The following XKR3 variants were observed in gnomAD, a reference collection of about 807,000 sequenced individuals.
The protein encoded by XKR3 is XK-related protein 3.
Under a neutral mutation model 40.3 loss-of-function variants are expected in XKR3, and 27 were observed. The observed-to-expected ratio is 0.67, with a 90% CI of 0.49 to 0.92. The LOEUF (loss-of-function observed/expected upper bound fraction) is 0.92. Ranked by LOEUF, XKR3 falls within the 40% of genes least tolerant of loss-of-function variation. XKR3 has a pLI of 0.00. For synonymous variants in XKR3, 193 were observed against 195.4 expected, an observed-to-expected ratio of 0.99 and a Z score of 0.10; for missense variants, 472 against 537.6, an observed-to-expected ratio of 0.88 and a Z score of 1.21.
chr22:16,811,172 G>A (rs1200732506), intron 1 of XKR3, among the ~76,000 whole-genome samples: 2 of 149,124 alleles, frequency 1.3e-5, no homozygotes, highest in Non-Finnish European at 3.0e-5. Flanking sequence ...TGTTGCTCAG[G>A]CAGAAGTGGC....
At chr22:16,793,933 G>C (rs2060130751) in intron 3 of XKR3, among the ~76,000 whole-genome samples, 1 of 152,162 alleles carries the variant, frequency 6.6e-6, no homozygotes, top group Admixed American at 6.5e-5. Flanking sequence ...AATAGACCAA[G>C]CTGAGGAAAG....
intron 1 of XKR3, among the ~76,000 whole-genome samples, chr22:16,818,788 C>T (rs1601852551): frequency 6.6e-6 from 1 of 152,072 alleles, no homozygotes; most frequent in South Asian, 2.1e-4. Flanking sequence ...AAGCTGAGCA[C>T]CCAGGTCCAC....
chr22:16,786,594 C>T (rs1203653112), intron 3 of XKR3, among the ~76,000 whole-genome samples: 1 of 152,206 alleles, frequency 6.6e-6, no homozygotes, highest in Admixed American at 6.5e-5. Flanking sequence ...CAGTGCTCTA[C>T]TGTGGGCTAC....
At chr22:16,822,932 G>A (rs1247390499) in intron 1 of XKR3, among the ~76,000 whole-genome samples, 1 of 152,148 alleles carries the variant, frequency 6.6e-6, no homozygotes, top group Admixed American at 6.6e-5. Context: ...CACCCAGGTT[G>A]GAGTGCAGTG....
chr22:16,795,216 A>C (rs1477813587), intron 3 of XKR3, among the ~76,000 whole-genome samples: 1 of 152,220 alleles, frequency 6.6e-6, no homozygotes, highest in East Asian at 1.9e-4. Context: ...CTCTTGGTCC[A>C]CGGTGCAATA....
At chr22:16,801,659 A>G (rs5746899) in intron 2 of XKR3, among the ~76,000 whole-genome samples, 16,737 of 151,962 alleles carry the variant, frequency 0.11, 1,315 homozygotes, top group African/African-American at 0.22. Flanking sequence ...TAATTAAAGC[A>G]TAAGAACAAG....
intron 3 of XKR3, among the ~76,000 whole-genome samples, chr22:16,796,366 A>G (rs2060140818): frequency 6.6e-6 from 1 of 152,186 alleles, no homozygotes; most frequent in South Asian, 2.1e-4. Context: ...AGATTCTATG[A>G]GCCCAGCATC....
Position 16,783,498 on chromosome 22 carries a change from T to C in XKR3, c.*121A>G. 1 of 778,812 alleles carries C rather than the reference T, an allele frequency of 1.3e-6. No homozygotes were observed. The highest frequency in any genetic ancestry group is 1.9e-6 in the Non-Finnish European group (1 of 528,722). 48.2% of individuals were successfully genotyped at this position (778,812 alleles called of 1,614,324 possible). On this transcript the variant is annotated 3_prime_UTR_variant, in exon 4 of 4. Coordinates refer to ENST00000684488, the MANE Select transcript of XKR3 (RefSeq NM_001386955.1). ...AGGCACGTTCACAGGAGAACATAAA[T>C]GAATTTTATTAGAAACCACTTCCAA...
At chr22:16,801,287 G>A (rs920267987) in intron 2 of XKR3, among the ~76,000 whole-genome samples, 2 of 150,598 alleles carry the variant, frequency 1.3e-5, no homozygotes, top group African/African-American at 4.8e-5. Flanking sequence ...CTCATGCCTG[G>A]AATCCAGCAC....
intron 1 of XKR3, among the ~76,000 whole-genome samples, 148 bp downstream of exon 1, chr22:16,825,143 T>A (rs1388451549): frequency 6.6e-6 from 1 of 152,080 alleles, no homozygotes; most frequent in Non-Finnish European, 1.5e-5. Context: ...AAAATCAGAA[T>A]CAAGAGAGGG....
At chr22:16,802,709 C>T (rs1296110148) in intron 2 of XKR3, among the ~76,000 whole-genome samples, 3 of 151,970 alleles carry the variant, frequency 2.0e-5, no homozygotes, top group African/African-American at 4.8e-5. Flanking sequence ...CGGATGGTCT[C>T]GATCTCTTGA....
At chr22:16,797,743 A>G (rs2060148058) in intron 3 of XKR3, among the ~76,000 whole-genome samples, 2 of 150,312 alleles carry the variant, frequency 1.3e-5, no homozygotes, top group Non-Finnish European at 3.0e-5. Flanking sequence ...CAGTGAGCCG[A>G]GATTGCACCA....
Position 16,784,263 on chromosome 22 carries a change from C to T in XKR3, c.736G>A (p.Val246Ile). Residue 246 changes from valine (V) to isoleucine (I), a missense_variant, in exon 4 of 4, where the codon GTT (valine) becomes ATT (isoleucine). Physicochemically the swap from Val to Ile is conservative, Grantham distance 29. Coordinates refer to ENST00000684488, the MANE Select transcript of XKR3 (RefSeq NM_001386955.1). The stretch of plus-strand genomic sequence containing the variant: ...GCCAGAGTCACTACACGTGAGATAA[C>T]CTCCAAAAAACGCCACATCACGACA... ...FCVVMWRFLE[V>I]ISRVVTLAFF... 1.2e-6 allele frequency: 2 copies of T among 1,614,144 alleles called. No individual in the cohort carries two copies. The highest frequency in any genetic ancestry group is 1.1e-5 in the South Asian group (1 of 91,080).
intron 1 of XKR3, among the ~76,000 whole-genome samples, chr22:16,823,719 A>C (rs1473336747): frequency 6.6e-6 from 1 of 152,186 alleles, no homozygotes; most frequent in Non-Finnish European, 1.5e-5. Flanking sequence ...CCTATTGCTT[A>C]GTTTTCTCCA....
intron 3 of XKR3, among the ~76,000 whole-genome samples, chr22:16,793,022 T>C (rs1406508142): frequency 6.6e-6 from 1 of 152,248 alleles, no homozygotes; most frequent in Non-Finnish European, 1.5e-5. Context: ...TTATTTTATT[T>C]ATTTTTTGAG....
intron 3 of XKR3, among the ~76,000 whole-genome samples, chr22:16,787,694 A>G (rs1157933924): frequency 6.6e-6 from 1 of 152,142 alleles, no homozygotes; most frequent in Non-Finnish European, 1.5e-5. Context: ...GAAGTCTTCC[A>G]ATAAGATTAA....
intron 1 of XKR3, among the ~76,000 whole-genome samples, chr22:16,814,495 TAG>T (rs1164616661): frequency 2.6e-5 from 4 of 152,300 alleles, no homozygotes; most frequent in Non-Finnish European, 4.4e-5. Flanking sequence ...AGAATTGCCA[TAG>T]CTATTTTTAT....
intron 2 of XKR3, among the ~76,000 whole-genome samples, chr22:16,802,797 G>A (rs1332343790): frequency 6.6e-6 from 1 of 152,090 alleles, no homozygotes; most frequent in Non-Finnish European, 1.5e-5. Flanking sequence ...AGTCATCCCA[G>A]TCTTCCTACA....
At chr22:16,803,150 T>C (rs550130522) in intron 2 of XKR3, among the ~76,000 whole-genome samples, 15 of 152,150 alleles carry the variant, frequency 9.9e-5, no homozygotes, top group Non-Finnish European at 1.8e-4. Flanking sequence ...TATGTTTTCA[T>C]AAATTACCTT....
Sources: gnomAD v4.1 joint callset for allele counts (sites outside exome capture counted in the v4.1 genomes callset) on GRCh38, gnomAD v4.1.1 for gene constraint, MANE v1.5 for transcripts, NCBI Gene and HGNC (gene_info 2026-07-23, HGNC 2026-07-21) for gene names.